DPYD: variants seen among roughly 807,000 people sequenced by gnomAD.
DPYD encodes the protein dihydropyrimidine dehydrogenase.
Under a neutral mutation model 116.2 loss-of-function variants are expected in DPYD, and 109 were observed. The observed-to-expected ratio is 0.94, with a 90% CI of 0.80 to 1.10. The LOEUF (loss-of-function observed/expected upper bound fraction) is 1.10. DPYD is among the 50% of genes least tolerant of loss of function. The pLI is 0.00. For missense variants in DPYD, 1,302 were observed against 1,254.5 expected, an observed-to-expected ratio of 1.04 and a Z score of -0.57; for synonymous variants, 440 against 432.0, an observed-to-expected ratio of 1.02 and a Z score of -0.23.
intron 5 of DPYD, among the ~76,000 whole-genome samples, chr1:97,708,433 T>A (rs963470343): frequency 6.6e-6 from 1 of 152,128 alleles, no homozygotes; most frequent in African/African-American, 2.4e-5. Flanking sequence ...TTGCCTTTGC[T>A]CTTTTGTCAA....
chr1:97,643,590 T>A (rs1331389945), intron 8 of DPYD, among the ~76,000 whole-genome samples: 1 of 152,178 alleles, frequency 6.6e-6, no homozygotes, highest in Non-Finnish European at 1.5e-5. Flanking sequence ...ACTGGGTATA[T>A]ACCCAAAGGA....
intron 12 of DPYD, chr1:97,546,643 A>C: frequency 6.2e-7 from 1 of 1,612,768 alleles, no homozygotes; most frequent in Non-Finnish European, 8.5e-7. Flanking sequence ...GTGGCTTTAC[A>C]TTGCAGATAG....
intron 19 of DPYD, among the ~76,000 whole-genome samples, chr1:97,206,873 A>G (rs74631933): frequency 0.03 from 4,597 of 151,174 alleles, 226 homozygotes; most frequent in African/African-American, 0.1. Context: ...TTATACATAG[A>G]CACATATATA....
intron 3 of DPYD, among the ~76,000 whole-genome samples, chr1:97,814,919 A>AG (rs1403107547): frequency 4.9e-3 from 54 of 10,924 alleles, no homozygotes; most frequent in South Asian, 0.019. Context: ...AAAAAAAAAA[A>AG]AAGAAAGAGA....
At chr1:97,701,666 A>G (rs1000469847) in intron 5 of DPYD, among the ~76,000 whole-genome samples, 2 of 151,906 alleles carry the variant, frequency 1.3e-5, no homozygotes, top group African/African-American at 4.8e-5. Context: ...AATAAAGTCA[A>G]AACACATAAG....
At chr1:97,391,723 A>G in intron 14 of DPYD, among the ~76,000 whole-genome samples, 1 of 152,044 alleles carries the variant, frequency 6.6e-6, no homozygotes, top group Non-Finnish European at 1.5e-5. Flanking sequence ...AGCCAATACT[A>G]TCTGCCAAAG....
chr1:97,720,822 A>G, intron 5 of DPYD: 1 of 1,588,582 alleles, frequency 6.3e-7, no homozygotes, highest in Admixed American at 1.8e-5. Flanking sequence ...CATGGGAATT[A>G]ACCTGCTTGT....
At chr1:97,721,222 A>G (rs2101025531) in intron 5 of DPYD, among the ~76,000 whole-genome samples, 1 of 151,886 alleles carries the variant, frequency 6.6e-6, no homozygotes, top group Non-Finnish European at 1.5e-5. Flanking sequence ...ACTTCCACAT[A>G]AAGTTAATGA....
intron 14 of DPYD, among the ~76,000 whole-genome samples, chr1:97,440,683 G>A (rs920071222): frequency 3.3e-5 from 5 of 152,048 alleles, no homozygotes; most frequent in East Asian, 1.9e-4. Flanking sequence ...TTAGCTTTAT[G>A]TATGCTATAA....
intron 20 of DPYD, among the ~76,000 whole-genome samples, chr1:97,147,950 G>C (rs932726301): frequency 2.9e-4 from 44 of 152,100 alleles, no homozygotes; most frequent in African/African-American, 1.0e-3. Context: ...GTGCACTTTG[G>C]ATAGATACAT....
chr1:97,332,609 G>A (rs1374538477), intron 16 of DPYD, among the ~76,000 whole-genome samples: 2 of 152,132 alleles, frequency 1.3e-5, no homozygotes, highest in African/African-American at 4.8e-5. Context: ...CCAACAAAAC[G>A]ATAGTGGTGC....
At chr1:97,179,018 C>T (rs1248323024) in intron 20 of DPYD, among the ~76,000 whole-genome samples, 1 of 152,156 alleles carries the variant, frequency 6.6e-6, no homozygotes, top group Non-Finnish European at 1.5e-5. Flanking sequence ...ATACACCACA[C>T]TTTGCTCACA....
At chr1:97,696,116 C>A (rs1661288617) in intron 6 of DPYD, among the ~76,000 whole-genome samples, 1 of 146,964 alleles carries the variant, frequency 6.8e-6, no homozygotes, top group Non-Finnish European at 1.5e-5. Context: ...GGTGACAGAG[C>A]CAGACTCTTT....
chr1:97,515,685 A>G (rs763089668), intron 13 of DPYD, 41 bp downstream of exon 13: 1 of 1,552,286 alleles, frequency 6.4e-7, no homozygotes, highest in South Asian at 1.1e-5. Flanking sequence ...ATTAAAATAT[A>G]TGATAGACAT....
chr1:97,502,783 A>T (rs190822679), intron 13 of DPYD, among the ~76,000 whole-genome samples: 6 of 152,142 alleles, frequency 3.9e-5, no homozygotes, highest in Admixed American at 2.0e-4. Context: ...AGATTATGGT[A>T]ATAAGAATTA....
chr1:97,902,363 T>G (rs1673411625), intron 1 of DPYD, among the ~76,000 whole-genome samples: 1 of 151,786 alleles, frequency 6.6e-6, no homozygotes, highest in African/African-American at 2.4e-5. Context: ...CTACTTCTGA[T>G]AAGAAACCAT....
intron 14 of DPYD, among the ~76,000 whole-genome samples, chr1:97,436,403 C>T (rs1399294162): frequency 6.6e-6 from 1 of 151,762 alleles, no homozygotes; most frequent in African/African-American, 2.4e-5. Context: ...AAATTGTTTC[C>T]ATTGCCTCTC....
intron 11 of DPYD, among the ~76,000 whole-genome samples, chr1:97,568,906 T>C (rs896494260): frequency 5.3e-5 from 8 of 151,714 alleles, no homozygotes; most frequent in South Asian, 2.1e-4. Flanking sequence ...GTTTATAGGA[T>C]AATTTGAAAA....
At chr1:97,292,773 C>T (rs962908548) in intron 18 of DPYD, among the ~76,000 whole-genome samples, 12 of 151,836 alleles carry the variant, frequency 7.9e-5, no homozygotes, top group Non-Finnish European at 1.3e-4. Context: ...TTACCACACC[C>T]TCATCTAGTA....
Sources: gnomAD v4.1 joint callset for allele counts (sites outside exome capture counted in the v4.1 genomes callset) on GRCh38, gnomAD v4.1.1 for gene constraint, MANE v1.5 for transcripts, NCBI Gene and HGNC (gene_info 2026-07-23, HGNC 2026-07-21) for gene names.